The following HMG20A variants were observed in gnomAD, a reference collection of about 807,000 sequenced individuals.
HMG20A encodes high mobility group 20A, also known as high mobility group protein 20A.
In HMG20A, 17 loss-of-function variants were observed where a neutral mutation model predicts 43.9. The observed-to-expected ratio is 0.39, with a 90% confidence interval of 0.27 to 0.58. The LOEUF (loss-of-function observed/expected upper bound fraction) is 0.58. HMG20A is among the 20% of genes least tolerant of loss of function. The probability of loss-of-function intolerance (pLI) is 0.59; values close to 1 mark genes in which losing one functional copy is unlikely to be tolerated. For missense variants in HMG20A, 341 were observed against 438.2 expected, an observed-to-expected ratio of 0.78 and a Z score of 1.98; for synonymous variants, 132 against 147.5, an observed-to-expected ratio of 0.89 and a Z score of 0.76.
At position 77,451,543 on chromosome 15, in the gene HMG20A, C is replaced by A. The variant is rs114163801; in HGVS notation, c.-4-6861C>A. 1.5e-3 allele frequency among the ~76,000 whole-genome samples: 226 copies of A among 152,198 alleles called. 2 individuals are homozygous for A. The highest frequency in any genetic ancestry group is 5.3e-3 in the African/African-American group (219 of 41,524). On this transcript the variant is annotated intron_variant, in intron 1 of 9. Coordinates refer to ENST00000336216, the MANE Select transcript of HMG20A (RefSeq NM_001304504.2). The stretch of plus-strand genomic sequence containing the variant: ...TCCTTGGGTTCTGCATCCACAAATT[C>A]AATCAGTTTGGGGTGGAAAATACAG...
At position 77,440,009 on chromosome 15, in the gene HMG20A, C is replaced by CT. The variant is rs927708259; in HGVS notation, c.-4-18389dup. Among the ~76,000 whole-genome samples, 6 of 151,690 alleles carry CT rather than the reference C, an allele frequency of 4.0e-5. No homozygotes were observed. The East Asian group carries it at 1.2e-3, about 29-fold the overall frequency. On this transcript the variant is annotated intron_variant, in intron 1 of 9. Coordinates refer to ENST00000336216, the MANE Select transcript of HMG20A (RefSeq NM_001304504.2). ...AAGTGCTTGCTTTGTATTTAGCCCC[C>CT]TTTTTTAAAAAAATGGGTCATTTAT... is the stretch of plus-strand genomic sequence containing the variant.
chr15:77,471,822 G>A lies in HMG20A; in HGVS notation c.615+8G>A. 2 of 1,512,822 alleles carry A rather than the reference G, an allele frequency of 1.3e-6. No homozygotes were observed. Among genetic ancestry groups the A allele is most frequent in the Non-Finnish European group, 1.8e-6 (2 of 1,099,510 alleles). The allele number at this position is 1,512,822 out of a possible 1,614,324, so 93.7% of individuals were successfully genotyped here. ...GCCACTCATGATCATGAGGTAATTA[G>A]CCATCTGTCTACATATCATATATAT... On this transcript the variant is annotated splice_region_variant and intron_variant, in intron 6 of 9. Transcript: ENST00000336216.
chr15:77,467,424 G>A (rs1037155636), intron 4 of HMG20A, 117 bp downstream of exon 4: 1 of 816,996 alleles, frequency 1.2e-6, no homozygotes, highest in Admixed American at 2.4e-5. Flanking sequence ...CAGTGCCTAG[G>A]AGACCAGAAT....
At chr15:77,424,921 A>G (rs932085458) in intron 1 of HMG20A, among the ~76,000 whole-genome samples, 1 of 151,980 alleles carries the variant, frequency 6.6e-6, no homozygotes, top group Non-Finnish European at 1.5e-5. Flanking sequence ...CATACCTCAC[A>G]TTATTCATCT....
At chr15:77,505,916 C>T in the HMG20A span, among the ~76,000 whole-genome samples, 2 of 152,142 alleles carry the variant, frequency 1.3e-5, no homozygotes, top group Non-Finnish European at 2.9e-5. Flanking sequence ...AAAATGCAAC[C>T]ATTCCATCTT....
the HMG20A span, among the ~76,000 whole-genome samples, chr15:77,513,819 G>A: frequency 8.2e-3 from 1,232 of 151,138 alleles, 18 homozygotes; most frequent in African/African-American, 0.028. Flanking sequence ...TCCACCTCCC[G>A]GGTTCAAGCG....
chr15:77,498,901 T>A, the HMG20A span, among the ~76,000 whole-genome samples: 6 of 152,220 alleles, frequency 3.9e-5, no homozygotes, highest in Non-Finnish European at 8.8e-5. Context: ...CTAATCAGTC[T>A]GAATCTTCAC....
rs1200668835 is a variant in HMG20A, at chr15:77,483,606, C to G, written c.*643C>G. 1 of 152,758 alleles carries G rather than the reference C, an allele frequency of 6.5e-6. No individual in the cohort carries two copies. The highest frequency in any genetic ancestry group is 2.4e-5 in the African/African-American group (1 of 41,454). The allele number at this position is 152,758 out of a possible 1,614,324, so 9.5% of individuals were successfully genotyped here. On this transcript the variant is annotated 3_prime_UTR_variant, in exon 10 of 10. Transcript: ENST00000336216. ...GTGGAGCAAGGCTGTGTTTCCTACC[C>G]CACACGGTGCTCAGTGGGTGCCAGC... is the stretch of plus-strand genomic sequence containing the variant.
chr15:77,487,712 C>T (rs192550868), downstream of HMG20A, among the ~76,000 whole-genome samples: 7 of 152,318 alleles, frequency 4.6e-5, no homozygotes, highest in Admixed American at 3.3e-4. Flanking sequence ...TATTGCTTAG[C>T]GGAAAAGCTC....
chr15:77,435,458 T>C, intron 1 of HMG20A, among the ~76,000 whole-genome samples: 1 of 152,030 alleles, frequency 6.6e-6, no homozygotes, highest in East Asian at 1.9e-4. Context: ...TAAATTCTTT[T>C]ATTGTATTTT....
intron 4 of HMG20A, 96 bp from the exon 5 acceptor site, chr15:77,470,814 C>T (rs2072800816): frequency 3.8e-6 from 4 of 1,062,442 alleles, no homozygotes; most frequent in African/African-American, 1.7e-5. Flanking sequence ...CTTTTCTTCC[C>T]ATGTTCTAAT....
the HMG20A span, among the ~76,000 whole-genome samples, chr15:77,499,000 C>A: frequency 1.3e-5 from 2 of 152,190 alleles, 1 homozygote; most frequent in Middle Eastern, 6.3e-3. Flanking sequence ...CTTGTCTCCC[C>A]ACTTACTTAT....
chr15:77,476,059 A>G (rs2072851594), intron 6 of HMG20A, among the ~76,000 whole-genome samples: 1 of 152,224 alleles, frequency 6.6e-6, no homozygotes, highest in African/African-American at 2.4e-5. Context: ...TGGTTCACAC[A>G]GCCCAGCCCC....
At chr15:77,455,839 A>G (rs754255766) in intron 1 of HMG20A, among the ~76,000 whole-genome samples, 1 of 152,146 alleles carries the variant, frequency 6.6e-6, no homozygotes, top group Non-Finnish European at 1.5e-5. Context: ...TCACTCCCTC[A>G]TGGACCATAT....
chr15:77,466,713 A>G (rs546770318), intron 3 of HMG20A, among the ~76,000 whole-genome samples: 11 of 152,256 alleles, frequency 7.2e-5, no homozygotes, highest in African/African-American at 2.6e-4. Flanking sequence ...TGTATTTCCC[A>G]TTTGGATACT....
chr15:77,423,029 A>T (rs1462022001), intron 1 of HMG20A, among the ~76,000 whole-genome samples: 1 of 152,174 alleles, frequency 6.6e-6, no homozygotes, highest in Non-Finnish European at 1.5e-5. Context: ...AATAGAGAAT[A>T]TCATGTTAAA....
downstream of HMG20A, among the ~76,000 whole-genome samples, chr15:77,486,318 TG>T (rs1204808700): frequency 2.0e-5 from 3 of 150,250 alleles, no homozygotes; most frequent in African/African-American, 7.3e-5. Context: ...TGGAGTGCAG[TG>T]GCACGATCTC....
At chr15:77,489,928 A>G (rs1241964147), downstream of HMG20A, among the ~76,000 whole-genome samples, 5 of 151,768 alleles carry the variant, frequency 3.3e-5, no homozygotes, top group Admixed American at 2.0e-4. Context: ...TCATAAGTGT[A>G]ATGTGAAGAG....
At chr15:77,480,148 C>G (rs2072893136) in intron 9 of HMG20A, among the ~76,000 whole-genome samples, 2 of 151,834 alleles carry the variant, frequency 1.3e-5, no homozygotes, top group Non-Finnish European at 1.5e-5. Flanking sequence ...AAAAATTAGC[C>G]AGGCATGGTG....
Sources: allele counts gnomAD v4.1 joint callset (sites outside exome capture counted in the v4.1 genomes callset), GRCh38; gene constraint gnomAD v4.1.1; transcripts MANE v1.5; gene names NCBI Gene and HGNC (gene_info 2026-07-23, HGNC 2026-07-21).